Variants in FLRT2 observed in about 807,000 individuals in gnomAD.
FLRT2 encodes leucine-rich repeat transmembrane protein FLRT2.
A neutral mutation model predicts 40.0 loss-of-function variants in FLRT2; 15 were observed. The observed-to-expected ratio is 0.38, with a 90% CI of 0.25 to 0.58. The LOEUF is 0.58. Ranked by LOEUF, FLRT2 falls within the 20% of genes least tolerant of loss-of-function variation. The pLI is 0.71. For synonymous variants in FLRT2, 380 were observed against 336.8 expected (o/e 1.13, Z -1.41); for missense variants, 726 against 840.0 (o/e 0.86, Z 1.68).
rs979061374 is a variant in FLRT2 at position 85,646,079 on chromosome 14, A to G, written c.*22582A>G. The G allele has an allele frequency of 6.6e-6, 1 of 150,630 alleles. No individual in the cohort carries two copies. Among genetic ancestry groups the G allele is most frequent in the African/African-American group, 2.5e-5 (1 of 40,438 alleles). The allele number at this position is 150,630 out of a possible 1,614,324, so 9.3% of individuals were successfully genotyped here. Reference sequence around the variant, plus strand: ...TAATGGGACATTATTATGGTGACCCATACAACATCACTTTTAAACAGTGGA... The same window carrying G: ...TAATGGGACATTATTATGGTGACCCGTACAACATCACTTTTAAACAGTGGA... On this transcript the variant is annotated 3_prime_UTR_variant, in exon 2 of 2. Transcript: ENST00000330753.
chr14:85,578,406 A>G (rs1891226592), intron 1 of FLRT2, among the ~76,000 whole-genome samples: 1 of 152,002 alleles, frequency 6.6e-6, no homozygotes, highest in South Asian at 2.1e-4. Flanking sequence ...TGCAAACATT[A>G]TTATCAGAAG....
rs1485503068 is a variant in FLRT2, at chr14:85,647,460, C to T, written c.*23963C>T. On this transcript the variant is annotated 3_prime_UTR_variant, in exon 2 of 2. Coordinates refer to ENST00000330753, the MANE Select transcript of FLRT2 (RefSeq NM_013231.6). Reference sequence around the variant, plus strand: ...CGCATCACTCACAATATTTAGCTCTCCTTCCACATGATGTTGGGATATGAT... The same window carrying T: ...CGCATCACTCACAATATTTAGCTCTTCTTCCACATGATGTTGGGATATGAT... 3 of 152,138 alleles carry T rather than the reference C, an allele frequency of 2.0e-5. No individual in the cohort carries two copies. The highest frequency in any genetic ancestry group is 4.4e-5 in the Non-Finnish European group (3 of 68,026). The allele number at this position is 152,138 out of a possible 1,614,324, so 9.4% of individuals were successfully genotyped here. A position where few individuals can be genotyped will look rare whatever the true frequency, so the allele number is the denominator to read the frequency against.
intron 1 of FLRT2, among the ~76,000 whole-genome samples, chr14:85,544,024 G>A (rs1889131750): frequency 6.6e-6 from 1 of 152,158 alleles, no homozygotes. Flanking sequence ...ATGTAATTGA[G>A]TTAGTAAATG....
chr14:85,578,180 TTATA>T (rs1392137096), intron 1 of FLRT2, among the ~76,000 whole-genome samples: 3 of 90,984 alleles, frequency 3.3e-5, no homozygotes, highest in African/African-American at 6.5e-5. Context: ...AAAAATATCT[TTATA>T]TATATTTATA....
intron 1 of FLRT2, among the ~76,000 whole-genome samples, chr14:85,549,131 C>A (rs547343558): frequency 2.2e-4 from 34 of 152,186 alleles, no homozygotes; most frequent in Non-Finnish European, 4.4e-4. Context: ...TCTGGGTTTA[C>A]CATCTTCAAT....
chr14:85,584,807 C>G (rs1484664204), intron 1 of FLRT2, among the ~76,000 whole-genome samples: 1 of 152,082 alleles, frequency 6.6e-6, no homozygotes, highest in South Asian at 2.1e-4. Context: ...GTTCAGGCAA[C>G]GCTGGCCCTA....
chr14:85,624,122 T>C lies in FLRT2; in HGVS notation c.*625T>C, dbSNP rs1455274512. 6.0e-6 allele frequency: 1 copy of C among 166,958 alleles called. No individual in the cohort carries two copies. The highest frequency in any genetic ancestry group is 6.5e-5 in the Admixed American group (1 of 15,282). 10.3% of individuals were successfully genotyped at this position (166,958 alleles called of 1,614,324 possible). A position where few individuals can be genotyped will look rare whatever the true frequency, so the allele number is the denominator to read the frequency against. On this transcript the variant is annotated 3_prime_UTR_variant, in exon 2 of 2. Transcript: ENST00000330753. ...CCTGACAGAATCAAGAAAATTGAGA[T>C]GAGATTTGAAAGGACCCGAAAATGC...
intron 1 of FLRT2, among the ~76,000 whole-genome samples, chr14:85,572,426 T>A (rs17712022): frequency 0.053 from 8,070 of 152,304 alleles, 360 homozygotes; most frequent in Non-Finnish European, 0.07. Flanking sequence ...CAAGCAGGTA[T>A]GCGTTATCTC....
chr14:85,620,894 A>C (rs1490603083), intron 1 of FLRT2, among the ~76,000 whole-genome samples: 1 of 152,242 alleles, frequency 6.6e-6, no homozygotes, highest in Admixed American at 6.5e-5. Flanking sequence ...AGGATGTTAA[A>C]TTCACAATAT....
intron 1 of FLRT2, among the ~76,000 whole-genome samples, chr14:85,539,535 G>T (rs1204973347): frequency 6.6e-6 from 1 of 152,082 alleles, no homozygotes; most frequent in Non-Finnish European, 1.5e-5. Flanking sequence ...AAATAAATGA[G>T]ATTGCTTTGG....
intron 1 of FLRT2, among the ~76,000 whole-genome samples, chr14:85,563,719 C>T (rs529526793): frequency 9.2e-5 from 14 of 152,216 alleles, no homozygotes; most frequent in African/African-American, 2.6e-4. Context: ...GATTTGGGTG[C>T]GGACACAGCA....
chr14:85,532,375 C>T (rs544455193), intron 1 of FLRT2, among the ~76,000 whole-genome samples: 23 of 152,324 alleles, frequency 1.5e-4, no homozygotes, highest in African/African-American at 4.8e-4. Context: ...AAGAGCAGCA[C>T]GAAATAAGAT....
At chr14:85,534,579 T>A (rs1245386488) in intron 1 of FLRT2, among the ~76,000 whole-genome samples, 1 of 151,862 alleles carries the variant, frequency 6.6e-6, no homozygotes, top group East Asian at 1.9e-4. Flanking sequence ...ATTGGTGATG[T>A]GAATTTGCCA....
At position 85,627,603 on chromosome 14, in the gene FLRT2, CA is replaced by C. The variant is rs1385374173; in HGVS notation, c.*4107del. The C allele has an allele frequency of 2.4e-5, 4 of 163,964 alleles. No individual in the cohort carries two copies. The allele number at this position is 163,964 out of a possible 1,614,324, so 10.2% of individuals were successfully genotyped here. A position where few individuals can be genotyped will look rare whatever the true frequency, so the allele number is the denominator to read the frequency against. On this transcript the variant is annotated 3_prime_UTR_variant, in exon 2 of 2. Coordinates refer to ENST00000330753, the MANE Select transcript of FLRT2 (RefSeq NM_013231.6). ...ACACACACACACACACACACACAAA[CA>C]GGGGCATTTGTAAAGGTGTCCCTGG...
intron 1 of FLRT2, among the ~76,000 whole-genome samples, chr14:85,538,853 ACT>A (rs1320530095): frequency 6.6e-6 from 1 of 152,010 alleles, no homozygotes; most frequent in Non-Finnish European, 1.5e-5. Context: ...TGCTGGTGTC[ACT>A]CTTAGCCCCA....
chr14:85,592,802 A>AAG (rs1468652260), intron 1 of FLRT2, among the ~76,000 whole-genome samples: 64 of 99,976 alleles, frequency 6.4e-4, no homozygotes, highest in Non-Finnish European at 6.4e-4. Flanking sequence ...AAAAAAAAAA[A>AAG]AAAAAGAAAA....
rs1385726365 is a variant in FLRT2 at position 85,621,274 on chromosome 14, T to A, written c.-241T>A. On this transcript the variant is annotated 5_prime_UTR_variant, in exon 2 of 2. Coordinates refer to ENST00000330753, the MANE Select transcript of FLRT2 (RefSeq NM_013231.6). ...ATAACTTGCCATCACCTGTTGCCAG[T>A]GTGGAAAAATTCTCCCTGTTGAATT... The A allele has an allele frequency of 1.9e-6, 1 of 527,036 alleles. No homozygotes were observed. The highest frequency in any genetic ancestry group is 1.9e-5 in the African/African-American group (1 of 52,554). 32.6% of individuals were successfully genotyped at this position (527,036 alleles called of 1,614,324 possible). A position where few individuals can be genotyped will look rare whatever the true frequency, so the allele number is the denominator to read the frequency against.
Position 85,642,163 on chromosome 14 carries a change from A to T in FLRT2, c.*18666A>T, listed in dbSNP as rs957288111. 1 of 151,926 alleles carries T rather than the reference A, an allele frequency of 6.6e-6. No homozygotes were observed. The highest frequency in any genetic ancestry group is 1.5e-5 in the Non-Finnish European group (1 of 67,956). The allele number at this position is 151,926 out of a possible 1,614,324, so 9.4% of individuals were successfully genotyped here. A position where few individuals can be genotyped will look rare whatever the true frequency, so the allele number is the denominator to read the frequency against. On this transcript the variant is annotated 3_prime_UTR_variant, in exon 2 of 2. Coordinates refer to ENST00000330753, the MANE Select transcript of FLRT2 (RefSeq NM_013231.6). ...AAAAAAAAAAGAAAGAAAGAAAAAA[A>T]TGGCACACAGTGTCTGATCTTGTTT...
In FLRT2 at chr14:85,628,680, A is replaced by G. The variant is rs1015288851; in HGVS notation, c.*5183A>G. 8 of 152,314 alleles carry G rather than the reference A, an allele frequency of 5.3e-5. No homozygotes were observed. Among genetic ancestry groups the G allele is most frequent in the Admixed American group, 3.9e-4 (6 of 15,296 alleles). The allele number at this position is 152,314 out of a possible 1,614,324, so 9.4% of individuals were successfully genotyped here. On this transcript the variant is annotated 3_prime_UTR_variant, in exon 2 of 2. Transcript: ENST00000330753. ...TTGAATCAGGAAATAAATTCATGAC[A>G]TTTCAGTTAACTAGTATTACCTGTT...
Sources: gnomAD v4.1 joint callset for allele counts (sites outside exome capture counted in the v4.1 genomes callset) on GRCh38, gnomAD v4.1.1 for gene constraint, MANE v1.5 for transcripts, NCBI Gene and HGNC (gene_info 2026-07-23, HGNC 2026-07-21) for gene names.